The following SLC47A1 variants were observed in gnomAD, a reference collection of about 807,000 sequenced individuals.
The protein encoded by SLC47A1 is multidrug and toxin extrusion protein 1.
SLC47A1 carries 58 observed loss-of-function variants against 65.8 expected under a neutral mutation model. The observed-to-expected ratio is 0.88, with a 90% confidence interval of 0.71 to 1.10. SLC47A1 has a LOEUF of 1.10. Ranked by LOEUF, SLC47A1 falls within the 50% of genes least tolerant of loss-of-function variation. The pLI is 0.00. For synonymous variants in SLC47A1, 285 were observed against 295.0 expected (o/e 0.97, Z 0.35); for missense variants, 706 against 719.2 (o/e 0.98, Z 0.21).
intron 16 of SLC47A1, among the ~76,000 whole-genome samples, chr17:19,573,274 A>C (rs1263335507): frequency 6.6e-6 from 1 of 152,138 alleles, no homozygotes; most frequent in Non-Finnish European, 1.5e-5. Flanking sequence ...AAATGTGGTT[A>C]TGGTTTTCTT....
rs1754661971 is a variant in SLC47A1, at chr17:19,536,983, G to C, written c.135+2909G>C. On this transcript the variant is annotated intron_variant, in intron 1 of 16. Transcript: ENST00000270570. ...CAAAAGATGCGTCCATTTTATCCTG[G>C]AGAAAGCTTGAGGAAGACTGGATTT... 2.0e-5 allele frequency among the ~76,000 whole-genome samples: 3 copies of C among 152,210 alleles called. No individual in the cohort carries two copies. The South Asian group carries it at 6.2e-4, about 31-fold the overall frequency.
At chr17:19,552,170 C>G (rs1480573226) in intron 6 of SLC47A1, among the ~76,000 whole-genome samples, 5 of 152,116 alleles carry the variant, frequency 3.3e-5, no homozygotes, top group Non-Finnish European at 5.9e-5. Flanking sequence ...AGTTTCCCAC[C>G]TATGCAGTGT....
At chr17:19,543,851 C>T (rs1037862416) in intron 2 of SLC47A1, among the ~76,000 whole-genome samples, 6 of 152,188 alleles carry the variant, frequency 3.9e-5, no homozygotes, top group East Asian at 1.9e-4. Context: ...TGCCTGGTCT[C>T]GCCAGGCATT....
At chr17:19,541,993 C>T (rs954309847) in intron 1 of SLC47A1, among the ~76,000 whole-genome samples, 19 of 152,084 alleles carry the variant, frequency 1.2e-4, no homozygotes, top group South Asian at 4.1e-4. Flanking sequence ...GGTGTGGTGG[C>T]GCCTGCCTGT....
intron 6 of SLC47A1, among the ~76,000 whole-genome samples, chr17:19,553,386 G>A (rs753491773): frequency 6.6e-6 from 1 of 152,104 alleles, no homozygotes; most frequent in Non-Finnish European, 1.5e-5. Context: ...GAATTCCGTG[G>A]CCTCAGCCAT....
intron 2 of SLC47A1, among the ~76,000 whole-genome samples, chr17:19,543,143 T>C: frequency 7.8e-6 from 1 of 128,560 alleles, no homozygotes. Context: ...GGAGTCTTGC[T>C]CCGTCACCCA....
At chr17:19,552,402 A>G (rs1264777742) in intron 6 of SLC47A1, among the ~76,000 whole-genome samples, 1 of 152,208 alleles carries the variant, frequency 6.6e-6, no homozygotes, top group East Asian at 1.9e-4. Flanking sequence ...ATAGAATGAC[A>G]TATCAGAAAT....
At chr17:19,560,087 C>A (rs2084295982) in intron 10 of SLC47A1, 101 bp from the exon 11 acceptor site, 3 of 810,126 alleles carry the variant, frequency 3.7e-6, no homozygotes, top group Non-Finnish European at 3.9e-6. Context: ...ACTTTTAGGA[C>A]CAAGTTTTCC....
chr17:19,572,902 G>C, intron 16 of SLC47A1, 41 bp downstream of exon 16: 1 of 1,570,674 alleles, frequency 6.4e-7, no homozygotes. Context: ...GGCCTGTCTA[G>C]GTAGGACTGG....
intron 12 of SLC47A1, among the ~76,000 whole-genome samples, chr17:19,561,597 C>T (rs1381446147): frequency 1.3e-5 from 2 of 149,864 alleles, no homozygotes; most frequent in South Asian, 2.1e-4. Context: ...GAGCTGAGAT[C>T]CCGCCACTGC....
rs1189663710 is a variant in SLC47A1 at position 19,547,979 on chromosome 17, C to T, written c.307-6C>T. 3 of 1,609,766 alleles carry T rather than the reference C, an allele frequency of 1.9e-6. No individual in the cohort carries two copies. Among genetic ancestry groups the T allele is most frequent in the Non-Finnish European group, 2.5e-6 (3 of 1,177,308 alleles). ...AATGGGCTCATTTTGGCTGTGTGCA[C>T]CCCAGACGTACGGGAGCCAGAACCT... On this transcript the variant is annotated splice_region_variant and splice_polypyrimidine_tract_variant and intron_variant, in intron 3 of 16. Transcript: ENST00000270570.
At chr17:19,539,659 T>C (rs554664228) in intron 1 of SLC47A1, among the ~76,000 whole-genome samples, 6 of 152,156 alleles carry the variant, frequency 3.9e-5, no homozygotes, top group Non-Finnish European at 7.4e-5. Flanking sequence ...TAATTTTTTG[T>C]ATTTTTAGTA....
intron 2 of SLC47A1, among the ~76,000 whole-genome samples, chr17:19,543,082 G>A (rs1384620850): frequency 4.0e-5 from 6 of 148,230 alleles, no homozygotes; most frequent in Non-Finnish European, 8.9e-5. Context: ...ATGAGCCACC[G>A]TGCCCAGCCT....
Position 19,533,902 on chromosome 17 carries a change from C to G in SLC47A1, c.-38C>G, listed in dbSNP as rs1597489471. The stretch of plus-strand genomic sequence containing the variant: ...CTGCCGGCCTCCGCGGTACCCACTG[C>G]CGGCCTCCGCGCTACCCGGCCGCAG... On this transcript the variant is annotated 5_prime_UTR_variant, in exon 1 of 17. Transcript: ENST00000270570. The G allele has an allele frequency of 6.9e-7, 1 of 1,457,920 alleles. No homozygotes were observed. The allele number at this position is 1,457,920 out of a possible 1,614,324, so 90.3% of individuals were successfully genotyped here. A position where few individuals can be genotyped will look rare whatever the true frequency, so the allele number is the denominator to read the frequency against.
Position 19,555,682 on chromosome 17 carries a change from CA to C in SLC47A1, c.732del (p.Trp245GlyfsTer76). 6.2e-7 allele frequency: 1 copy of C among 1,614,200 alleles called. No homozygotes were observed. The highest frequency in any genetic ancestry group is 8.5e-7 in the Non-Finnish European group (1 of 1,180,028). ...YILGKKLHQA[T>X]WGGWSLECLQ... ...CTCGGGAAAAAACTGCATCAAGCTACATGGGGAGGTAATGACTGCCCTTTTG... is the reference window on the plus strand; with the variant it reads ...CTCGGGAAAAAACTGCATCAAGCTACTGGGGAGGTAATGACTGCCCTTTTG... On this transcript the variant is annotated frameshift_variant, in exon 8 of 17. Transcript: ENST00000270570. LOFTEE classifies it high-confidence loss of function.
intron 1 of SLC47A1, chr17:19,535,721 GC>G (rs753675670): frequency 1.3e-5 from 2 of 152,346 alleles, no homozygotes; most frequent in African/African-American, 2.4e-5. Flanking sequence ...CCCAGATCGC[GC>G]CATTGCACTC....
intron 10 of SLC47A1, 64 bp from the exon 11 acceptor site, chr17:19,560,124 T>A: frequency 1.6e-6 from 2 of 1,229,358 alleles, no homozygotes; most frequent in Non-Finnish European, 2.3e-6. Context: ...TGAGGCTGCT[T>A]CTCTGCACGT....
rs369587076 is a variant in SLC47A1 at position 19,551,474 on chromosome 17, A to G, written c.543+6A>G. The G allele has an allele frequency of 6.2e-7, 1 of 1,609,308 alleles. No individual in the cohort carries two copies. The highest frequency in any genetic ancestry group is 8.5e-7 in the Non-Finnish European group (1 of 1,175,604). The stretch of plus-strand genomic sequence containing the variant: ...TTAAATATTTGCTCAACCAGGTAAT[A>G]CTGACTGTTCTCTTCCTTTGGGAGG... On this transcript the variant is annotated splice_donor_region_variant and intron_variant, in intron 6 of 16. Transcript: ENST00000270570.
Position 19,555,652 on chromosome 17 carries a change from A to G in SLC47A1, c.701A>G (p.Tyr234Cys). The G allele has an allele frequency of 1.9e-6, 3 of 1,614,100 alleles. No homozygotes were observed. The highest frequency in any genetic ancestry group is 2.5e-6 in the Non-Finnish European group (3 of 1,180,016). The change falls in exon 8 of 17, where the codon TAC becomes TGC. Residue 234 changes from tyrosine (Y) to cysteine (C), a missense_variant. Physicochemically the swap from Tyr to Cys is radical, Grantham distance 194 (BLOSUM62 -2). Coordinates refer to ENST00000270570, the MANE Select transcript of SLC47A1 (RefSeq NM_018242.3). The part of the protein sequence containing the change: ...QYTLALLLFL[Y>C]ILGKKLHQAT... ...ACCCTGGCTCTACTCCTCTTTCTCTACATCCTCGGGAAAAAACTGCATCAA... is the reference window on the plus strand; with the variant it reads ...ACCCTGGCTCTACTCCTCTTTCTCTGCATCCTCGGGAAAAAACTGCATCAA...
Sources: allele counts gnomAD v4.1 joint callset (sites outside exome capture counted in the v4.1 genomes callset), GRCh38; gene constraint gnomAD v4.1.1; transcripts MANE v1.5; gene names NCBI Gene and HGNC (gene_info 2026-07-23, HGNC 2026-07-21).